The following BMP2K variants were observed in gnomAD, a reference collection of about 807,000 sequenced individuals.
BMP2K encodes the protein BMP-2-inducible protein kinase.
A neutral mutation model predicts 116.0 loss-of-function variants in BMP2K; 74 were observed. That is an observed-to-expected ratio of 0.64 (90% CI 0.53 to 0.77). BMP2K has a LOEUF of 0.77. BMP2K is among the 30% of genes least tolerant of loss of function. The probability of loss-of-function intolerance (pLI) is 0.00; values close to 1 mark genes in which losing one functional copy is unlikely to be tolerated. For synonymous variants in BMP2K, 486 were observed against 502.5 expected, an observed-to-expected ratio of 0.97 and a Z score of 0.44; for missense variants, 1,365 against 1,403.6, an observed-to-expected ratio of 0.97 and a Z score of 0.44.
intron 7 of BMP2K, among the ~76,000 whole-genome samples, chr4:78,852,538 C>T (rs80107540): frequency 0.058 from 8,879 of 152,100 alleles, 369 homozygotes; most frequent in East Asian, 0.22. Context: ...ATTTTAAAAC[C>T]ATAACTTACT....
chr4:78,791,804 A>G (rs1312414200), intron 1 of BMP2K, among the ~76,000 whole-genome samples: 1 of 152,072 alleles, frequency 6.6e-6, no homozygotes, highest in African/African-American at 2.4e-5. Context: ...TTAAGACTGA[A>G]TAATACTCAA....
At position 78,912,925 on chromosome 4, in the gene BMP2K, T is replaced by A. The variant is rs1229173238; in HGVS notation, c.*892T>A. The stretch of plus-strand genomic sequence containing the variant: ...TATGCATGGCTTCTTGCCCCAAACT[T>A]TTATTGTGATGGCCCTAATAAAGCA... On this transcript the variant is annotated 3_prime_UTR_variant, in exon 16 of 16. Transcript: ENST00000502613. The A allele has an allele frequency of 3.3e-5, 5 of 152,148 alleles. No individual in the cohort carries two copies. The highest frequency in any genetic ancestry group is 1.2e-4 in the African/African-American group (5 of 41,440). The allele number at this position is 152,148 out of a possible 1,614,324, so 9.4% of individuals were successfully genotyped here. A position where few individuals can be genotyped will look rare whatever the true frequency, so the allele number is the denominator to read the frequency against.
chr4:78,841,690 A>T (rs973861585), intron 3 of BMP2K, among the ~76,000 whole-genome samples: 3 of 152,040 alleles, frequency 2.0e-5, no homozygotes, highest in Non-Finnish European at 4.4e-5. Context: ...TCTGCTTCCT[A>T]GAGCATATCA....
chr4:78,813,603 A>G (rs1729191817), intron 1 of BMP2K, among the ~76,000 whole-genome samples: 1 of 152,140 alleles, frequency 6.6e-6, no homozygotes, highest in African/African-American at 2.4e-5. Context: ...CTCCTGCCTT[A>G]GGGCCTTTGC....
intron 4 of BMP2K, among the ~76,000 whole-genome samples, chr4:78,844,412 G>C (rs985179164): frequency 6.6e-6 from 1 of 151,616 alleles, no homozygotes; most frequent in Non-Finnish European, 1.5e-5. Flanking sequence ...TTTCAGTGTA[G>C]TATTTTAAAT....
At chr4:78,830,680 A>G (rs757248756) in intron 2 of BMP2K, among the ~76,000 whole-genome samples, 2 of 152,174 alleles carry the variant, frequency 1.3e-5, no homozygotes, top group Non-Finnish European at 2.9e-5. Context: ...TTTGTACTTA[A>G]TATGTGCTGG....
chr4:78,887,068 G>A (rs1200286058), intron 14 of BMP2K, 106 bp from the exon 15 acceptor site: 1 of 745,708 alleles, frequency 1.3e-6, no homozygotes, highest in African/African-American at 1.8e-5. Flanking sequence ...TTGCAAAAAG[G>A]CTGGTGCTTT....
rs191183976 is a variant in BMP2K at position 78,863,445 on chromosome 4, A to G, written c.1067+1977A>G. Among the ~76,000 whole-genome samples, 393 of 152,240 alleles carry G rather than the reference A, an allele frequency of 2.6e-3. 1 individual carries two copies. The highest frequency in any genetic ancestry group is 4.4e-3 in the Non-Finnish European group (301 of 67,980). ...CTTAAAAGGTCGCTCTCATCTCCCC[A>G]AACTTTGCATCTGCTCTTAGTATGG... On this transcript the variant is annotated intron_variant, in intron 9 of 15. Coordinates refer to ENST00000502613, the MANE Select transcript of BMP2K (RefSeq NM_198892.2).
chr4:78,785,561 A>G (rs1407089595), intron 1 of BMP2K, among the ~76,000 whole-genome samples: 2 of 152,164 alleles, frequency 1.3e-5, no homozygotes, highest in Non-Finnish European at 2.9e-5. Context: ...TTAATTGCTT[A>G]TTTTACTATC....
At chr4:78,834,154 T>C (rs1267733620) in intron 3 of BMP2K, among the ~76,000 whole-genome samples, 2 of 152,160 alleles carry the variant, frequency 1.3e-5, no homozygotes, top group Admixed American at 6.5e-5. Context: ...ACATTAGATA[T>C]AGAAAATCAC....
chr4:78,862,097 C>G (rs1325365896), intron 9 of BMP2K, among the ~76,000 whole-genome samples: 4 of 151,700 alleles, frequency 2.6e-5, no homozygotes, highest in Non-Finnish European at 4.4e-5. Flanking sequence ...AGGTATAATA[C>G]TACATTTGGG....
chr4:78,903,455 A>G (rs1444364758), intron 15 of BMP2K, among the ~76,000 whole-genome samples: 3 of 151,968 alleles, frequency 2.0e-5, no homozygotes, highest in African/African-American at 7.2e-5. Context: ...CATTATCAAA[A>G]TACACATTAG....
chr4:78,796,154 A>C (rs28635617), intron 1 of BMP2K, among the ~76,000 whole-genome samples: 1 of 152,020 alleles, frequency 6.6e-6, no homozygotes, highest in Non-Finnish European at 1.5e-5. Flanking sequence ...ATGTCCAACA[A>C]TGATAGACTG....
chr4:78,890,129 T>C (rs1733350921), intron 15 of BMP2K, among the ~76,000 whole-genome samples: 1 of 152,126 alleles, frequency 6.6e-6, no homozygotes, highest in Admixed American at 6.5e-5. Flanking sequence ...TTTATTAAAG[T>C]ATGTATATAG....
chr4:78,793,982 G>A (rs938388361), intron 1 of BMP2K, among the ~76,000 whole-genome samples: 5 of 152,116 alleles, frequency 3.3e-5, no homozygotes, highest in Non-Finnish European at 7.4e-5. Context: ...ACAGTGTATA[G>A]TGTGCACTTT....
intron 7 of BMP2K, among the ~76,000 whole-genome samples, chr4:78,855,465 T>G (rs1731460609): frequency 6.6e-6 from 1 of 152,176 alleles, no homozygotes; most frequent in Non-Finnish European, 1.5e-5. Context: ...GATGGTGGCT[T>G]AACTTTATCT....
At chr4:78,849,929 G>T (rs1162169483) in intron 6 of BMP2K, among the ~76,000 whole-genome samples, 2 of 151,640 alleles carry the variant, frequency 1.3e-5, no homozygotes, top group Non-Finnish European at 3.0e-5. Flanking sequence ...GCACTTGTTA[G>T]CTGAGTTTAC....
intron 1 of BMP2K, among the ~76,000 whole-genome samples, chr4:78,787,319 A>T (rs552326090): frequency 6.6e-6 from 1 of 152,328 alleles, no homozygotes; most frequent in South Asian, 2.1e-4. Flanking sequence ...AAATAGATGG[A>T]TGAAAAAATA....
At chr4:78,801,686 A>T (rs1728574609) in intron 1 of BMP2K, among the ~76,000 whole-genome samples, 1 of 152,038 alleles carries the variant, frequency 6.6e-6, no homozygotes, top group African/African-American at 2.4e-5. Flanking sequence ...AGACATATAT[A>T]CTTTTTCTGT....
Sources: allele counts gnomAD v4.1 joint callset (sites outside exome capture counted in the v4.1 genomes callset), GRCh38; gene constraint gnomAD v4.1.1; transcripts MANE v1.5; gene names NCBI Gene and HGNC (gene_info 2026-07-23, HGNC 2026-07-21).